Variants in TMEM132D observed in about 807,000 individuals in gnomAD.
TMEM132D encodes the protein mature OL transmembrane protein.
In TMEM132D, 21 loss-of-function variants were observed where a neutral mutation model predicts 62.3. The ratio of observed to expected loss-of-function variants is 0.34; its 90% CI spans 0.24 to 0.49. The LOEUF (loss-of-function observed/expected upper bound fraction) is 0.49. Ranked by LOEUF, TMEM132D falls within the 20% of genes least tolerant of loss-of-function variation. TMEM132D has a pLI of 0.99. For missense variants in TMEM132D, 1,346 were observed against 1,402.8 expected (o/e 0.96, Z 0.65); for synonymous variants, 621 against 575.6 (o/e 1.08, Z -1.13).
intron 3 of TMEM132D, among the ~76,000 whole-genome samples, chr12:129,482,383 C>T (rs1299000318): frequency 6.6e-6 from 1 of 152,160 alleles, no homozygotes; most frequent in Non-Finnish European, 1.5e-5. Context: ...CAAAGCATAC[C>T]CATGCTATAT....
At chr12:129,724,475 A>G (rs953550293) in intron 1 of TMEM132D, among the ~76,000 whole-genome samples, 1 of 152,216 alleles carries the variant, frequency 6.6e-6, no homozygotes, top group Non-Finnish European at 1.5e-5. Context: ...TTTGGCTTGC[A>G]GAACTGTAAG....
intron 4 of TMEM132D, among the ~76,000 whole-genome samples, chr12:129,292,796 G>GA (rs1881482094): frequency 6.6e-6 from 1 of 151,670 alleles, no homozygotes; most frequent in Non-Finnish European, 1.5e-5. Context: ...AGGAGAAAAT[G>GA]AAAAAAGGAG....
intron 8 of TMEM132D, among the ~76,000 whole-genome samples, chr12:129,078,262 C>T (rs1375249852): frequency 6.6e-6 from 1 of 152,256 alleles, no homozygotes; most frequent in Admixed American, 6.5e-5. Context: ...GCCTTTCCTC[C>T]AGGGCTCCTG....
At chr12:129,493,984 T>A (rs1874875679) in intron 3 of TMEM132D, among the ~76,000 whole-genome samples, 1 of 152,208 alleles carries the variant, frequency 6.6e-6, no homozygotes, top group South Asian at 2.1e-4. Flanking sequence ...TAATGTCAAA[T>A]GGGCATTCTA....
Position 129,657,941 on chromosome 12 carries a change from G to A in TMEM132D, c.968+41869C>T, listed in dbSNP as rs151055925. Among the ~76,000 whole-genome samples the A allele has an allele frequency of 1.5e-3, 234 of 152,336 alleles. 1 individual carries two copies. The highest frequency in any genetic ancestry group is 2.7e-3 in the Non-Finnish European group (184 of 68,038). On this transcript the variant is annotated intron_variant, in intron 2 of 8. Transcript: ENST00000422113. ...ATTGCCATTGTGCACTAAGCACAAG[G>A]CTAGGTTCTGAGTTGCAGAGTAAGC...
At chr12:129,088,531 A>C (rs1229892305) in intron 5 of TMEM132D, among the ~76,000 whole-genome samples, 2 of 30,248 alleles carry the variant, frequency 6.6e-5, no homozygotes, top group African/African-American at 5.8e-4. Flanking sequence ...GGTGTCCTCT[A>C]TGACCGGGTG....
intron 2 of TMEM132D, among the ~76,000 whole-genome samples, chr12:129,541,853 G>T (rs1418831528): frequency 1.3e-5 from 2 of 152,118 alleles, no homozygotes; most frequent in African/African-American, 2.4e-5. Context: ...TATCTTCTTT[G>T]TTACACAGAA....
At chr12:129,192,860 T>A (rs956306620) in intron 5 of TMEM132D, among the ~76,000 whole-genome samples, 4 of 152,210 alleles carry the variant, frequency 2.6e-5, no homozygotes, top group African/African-American at 9.6e-5. Flanking sequence ...ACTACCATTC[T>A]AATGTTGGGC....
intron 5 of TMEM132D, among the ~76,000 whole-genome samples, chr12:129,148,254 G>C (rs768384520): frequency 6.6e-6 from 1 of 152,152 alleles, no homozygotes; most frequent in African/African-American, 2.4e-5. Flanking sequence ...GCCCCATGTG[G>C]GTGGCAGAAT....
At chr12:129,838,483 T>G (rs866075600) in intron 1 of TMEM132D, among the ~76,000 whole-genome samples, 9 of 152,126 alleles carry the variant, frequency 5.9e-5, no homozygotes, top group Admixed American at 1.3e-4. Flanking sequence ...GTTACTTAAA[T>G]TTTAGATTGC....
chr12:129,750,349 T>A (rs56807677), intron 1 of TMEM132D, among the ~76,000 whole-genome samples: 4,717 of 152,250 alleles, frequency 0.031, 241 homozygotes, highest in African/African-American at 0.11. Flanking sequence ...CCTCCCAAAG[T>A]GCTGGGATTA....
chr12:129,797,691 G>A (rs1473465837), intron 1 of TMEM132D, among the ~76,000 whole-genome samples: 1 of 152,216 alleles, frequency 6.6e-6, no homozygotes, highest in Non-Finnish European at 1.5e-5. Context: ...AAGCCATTGT[G>A]CCTGGGGGCT....
chr12:129,408,955 T>C (rs1017138965), intron 3 of TMEM132D, among the ~76,000 whole-genome samples: 1 of 152,148 alleles, frequency 6.6e-6, no homozygotes, highest in Non-Finnish European at 1.5e-5. Context: ...TTTTTTGAGA[T>C]GGAGTCTTGC....
intron 3 of TMEM132D, among the ~76,000 whole-genome samples, chr12:129,527,821 A>G (rs1287935582): frequency 6.6e-6 from 1 of 152,254 alleles, no homozygotes; most frequent in African/African-American, 2.4e-5. Flanking sequence ...CTGGGGTAAC[A>G]TTCACATGTT....
chr12:129,518,942 A>G (rs1209199319), intron 3 of TMEM132D, among the ~76,000 whole-genome samples: 2 of 152,320 alleles, frequency 1.3e-5, no homozygotes, highest in South Asian at 2.1e-4. Context: ...ACACTGACAT[A>G]TCTCTTTTCT....
intron 1 of TMEM132D, among the ~76,000 whole-genome samples, chr12:129,885,705 A>G (rs1473577002): frequency 2.6e-5 from 4 of 152,244 alleles, no homozygotes; most frequent in African/African-American, 9.6e-5. Flanking sequence ...TCCAGTTTCA[A>G]TAGTTGCTAA....
chr12:129,668,473 T>A (rs572206803), intron 2 of TMEM132D, among the ~76,000 whole-genome samples: 1 of 151,728 alleles, frequency 6.6e-6, no homozygotes, highest in South Asian at 2.1e-4. Context: ...TGACTGCAGG[T>A]CTCAGACAAC....
intron 2 of TMEM132D, among the ~76,000 whole-genome samples, chr12:129,651,001 C>T (rs1364717666): frequency 6.6e-6 from 1 of 152,194 alleles, no homozygotes; most frequent in Non-Finnish European, 1.5e-5. Flanking sequence ...TTGAATCCAA[C>T]ACATCATTTC....
At chr12:129,370,949 T>G (rs988085244) in intron 3 of TMEM132D, among the ~76,000 whole-genome samples, 3 of 152,184 alleles carry the variant, frequency 2.0e-5, no homozygotes, top group African/African-American at 7.2e-5. Flanking sequence ...AGAACTATGT[T>G]TTAGTATTTG....
Sources: allele counts gnomAD v4.1 joint callset (sites outside exome capture counted in the v4.1 genomes callset), GRCh38; gene constraint gnomAD v4.1.1; transcripts MANE v1.5; gene names NCBI Gene and HGNC (gene_info 2026-07-23, HGNC 2026-07-21).